The following SMYD1 variants were observed in gnomAD, a reference collection of about 807,000 sequenced individuals.
SMYD1 encodes histone-lysine N-methyltransferase SMYD1.
A neutral mutation model predicts 54.0 loss-of-function variants in SMYD1; 49 were observed. That is an observed-to-expected ratio of 0.91 (90% CI 0.72 to 1.15). The LOEUF is 1.15. SMYD1 is among the 50% of genes most tolerant of loss of function. The pLI, the probability that SMYD1 is intolerant of heterozygous loss-of-function variation, is 0.00. For missense variants in SMYD1, 653 were observed against 639.6 expected (o/e 1.02, Z -0.23); for synonymous variants, 269 against 234.2 (o/e 1.15, Z -1.36).
intron 7 of SMYD1, among the ~76,000 whole-genome samples, chr2:88,104,180 A>G (rs193182718): frequency 2.8e-4 from 42 of 152,174 alleles, no homozygotes; most frequent in African/African-American, 8.4e-4. Context: ...GTTAGCCAGG[A>G]TGGTCTCGAT....
At chr2:88,097,195 T>G (rs1457892156) in intron 6 of SMYD1, among the ~76,000 whole-genome samples, 1 of 152,124 alleles carries the variant, frequency 6.6e-6, no homozygotes. Flanking sequence ...GGCAAAGAGA[T>G]TTATCATCTG....
At chr2:88,079,187 G>A (rs1359145647) in intron 1 of SMYD1, among the ~76,000 whole-genome samples, 1 of 152,204 alleles carries the variant, frequency 6.6e-6, no homozygotes. Flanking sequence ...CCAATCTTGG[G>A]TGAAGGCTGC....
At chr2:88,076,674 A>T (rs1191872049) in intron 1 of SMYD1, among the ~76,000 whole-genome samples, 1 of 152,102 alleles carries the variant, frequency 6.6e-6, no homozygotes, top group South Asian at 2.1e-4. Flanking sequence ...AATATTGTGA[A>T]GTTATCTGGG....
intron 1 of SMYD1, chr2:88,082,531 AG>A (rs1322510188): frequency 6.5e-6 from 1 of 154,406 alleles, no homozygotes; most frequent in Non-Finnish European, 1.5e-5. Flanking sequence ...GATCAGTGCT[AG>A]GGATCAGGCT....
chr2:88,095,677 T>G (rs1403509014), intron 5 of SMYD1, among the ~76,000 whole-genome samples: 4 of 152,194 alleles, frequency 2.6e-5, no homozygotes, highest in Non-Finnish European at 5.9e-5. Flanking sequence ...CCCAGGATTC[T>G]GGGGAGATAC....
At chr2:88,079,132 A>C (rs1314175140) in intron 1 of SMYD1, among the ~76,000 whole-genome samples, 2 of 152,240 alleles carry the variant, frequency 1.3e-5, no homozygotes, top group Non-Finnish European at 2.9e-5. Context: ...AATTGATCCA[A>C]GGCTTGATAA....
intron 4 of SMYD1, among the ~76,000 whole-genome samples, chr2:88,093,123 C>T (rs980120108): frequency 6.6e-6 from 1 of 152,216 alleles, no homozygotes; most frequent in South Asian, 2.1e-4. Flanking sequence ...CTTTCCAAGA[C>T]AGACATCCAA....
At chr2:88,105,801 G>A (rs1252495429) in intron 7 of SMYD1, among the ~76,000 whole-genome samples, 1 of 152,106 alleles carries the variant, frequency 6.6e-6, no homozygotes, top group Non-Finnish European at 1.5e-5. Flanking sequence ...ATTTGGGCGT[G>A]GTGGTGTGCA....
At chr2:88,101,261 C>G (rs188864964) in intron 6 of SMYD1, among the ~76,000 whole-genome samples, 23 of 152,308 alleles carry the variant, frequency 1.5e-4, no homozygotes, top group African/African-American at 4.8e-4. Context: ...AACCGCAAAT[C>G]GAAAGGAAGC....
chr2:88,102,988 G>A (rs1674755134), intron 6 of SMYD1, 70 bp from the exon 7 acceptor site: 3 of 1,199,818 alleles, frequency 2.5e-6, no homozygotes, highest in South Asian at 1.2e-5. Flanking sequence ...GTCAAAGATG[G>A]CAACTATTCA....
At chr2:88,093,095 C>G (rs1443257596) in intron 4 of SMYD1, among the ~76,000 whole-genome samples, 1 of 152,176 alleles carries the variant, frequency 6.6e-6, no homozygotes, top group East Asian at 1.9e-4. Flanking sequence ...TAACCAGACT[C>G]CATGTGCACT....
At chr2:88,089,592 T>G (rs1256918609) in intron 3 of SMYD1, among the ~76,000 whole-genome samples, 3 of 143,390 alleles carry the variant, frequency 2.1e-5, no homozygotes, top group Non-Finnish European at 4.5e-5. Flanking sequence ...CCTGTTTTTT[T>G]TTTTTTTTTT....
At position 88,111,749 on chromosome 2, in the gene SMYD1, C is replaced by A; in HGVS notation, c.*1237C>A. On this transcript the variant is annotated 3_prime_UTR_variant, in exon 10 of 10. Transcript: ENST00000419482. ...TGAGGGTCTTGAGAATCAACCAGTC[C>A]CAAGATTAGCCTGTTATCCTGTTAT... 4.0e-6 allele frequency: 1 copy of A among 251,252 alleles called. No homozygotes were observed. Among genetic ancestry groups the A allele is most frequent in the Non-Finnish European group, 7.8e-6 (1 of 128,622 alleles). The allele number at this position is 251,252 out of a possible 1,614,324, so 15.6% of individuals were successfully genotyped here.
chr2:88,075,534 C>CTTTTTTTT (rs35091980), intron 1 of SMYD1, among the ~76,000 whole-genome samples: 6 of 103,574 alleles, frequency 5.8e-5, no homozygotes, highest in African/African-American at 1.4e-4. Flanking sequence ...CCTTTTAATT[C>CTTTTTTTT]TTTTTTTTTT....
chr2:88,109,939 T>C (rs1348505185), intron 9 of SMYD1, among the ~76,000 whole-genome samples: 1 of 152,146 alleles, frequency 6.6e-6, no homozygotes, highest in Non-Finnish European at 1.5e-5. Context: ...TGTCACACAC[T>C]GTCATCTTCC....
At position 88,099,722 on chromosome 2, in the gene SMYD1, C is replaced by CAA. The variant is rs571904782; in HGVS notation, c.888+2948_888+2949dup. On this transcript the variant is annotated intron_variant, in intron 6 of 9. Transcript: ENST00000419482. ...TGGGCGACAGAGCGAGATTCCATCT[C>CAA]AAAAAAAAAAAGAAGAAGAAAAGAA... 6.8e-3 allele frequency among the ~76,000 whole-genome samples: 922 copies of CAA among 135,476 alleles called. 11 individuals carry two copies. Among genetic ancestry groups the CAA allele is most frequent in the African/African-American group, 0.023 (864 of 36,908 alleles). The allele number at this position is 135,476 out of a possible 152,430, so 88.9% of individuals were successfully genotyped here.
chr2:88,096,794 G>A lies in SMYD1; in HGVS notation c.888+10G>A, dbSNP rs199845120. ...GAAAGACAACCCCAAGGTACACACA[G>A]CCCTGCTGCTGAGGTGTTTGTGTCT... On this transcript the variant is annotated intron_variant, in intron 6 of 9. Transcript: ENST00000419482. The A allele has an allele frequency of 5.6e-6, 9 of 1,608,940 alleles. No individual in the cohort carries two copies. The Admixed American group carries it at 1.5e-4, about 27-fold the overall frequency.
intron 6 of SMYD1, among the ~76,000 whole-genome samples, chr2:88,100,022 C>T (rs1172037113): frequency 7.9e-5 from 12 of 151,018 alleles, no homozygotes; most frequent in Admixed American, 4.6e-4. Flanking sequence ...CCTCAGATCC[C>T]CCACCTCCTG....
intron 2 of SMYD1, among the ~76,000 whole-genome samples, chr2:88,086,955 G>T (rs1323069483): frequency 6.8e-6 from 1 of 146,534 alleles, no homozygotes. Flanking sequence ...TCTAGCATTA[G>T]GTACATCTCC....
Sources: allele counts gnomAD v4.1 joint callset (sites outside exome capture counted in the v4.1 genomes callset), GRCh38; gene constraint gnomAD v4.1.1; transcripts MANE v1.5; gene names NCBI Gene and HGNC (gene_info 2026-07-23, HGNC 2026-07-21).